Variants in PLAC8L1 observed in about 807,000 individuals in gnomAD.
The protein encoded by PLAC8L1 is PLAC8 like 1.
Under a neutral mutation model 16.3 loss-of-function variants are expected in PLAC8L1, and 13 were observed. That is an observed-to-expected ratio of 0.80 (90% CI 0.52 to 1.27). The LOEUF is 1.27. Among genes scored for constraint, PLAC8L1 ranks in the 50% most tolerant of loss-of-function variants. PLAC8L1 has a pLI of 0.00. For missense variants in PLAC8L1, 184 were observed against 220.2 expected, an observed-to-expected ratio of 0.84 and a Z score of 1.04; for synonymous variants, 78 against 79.3, an observed-to-expected ratio of 0.98 and a Z score of 0.09.
chr5:146,089,098 G>A (rs1050716555), intron 2 of PLAC8L1, among the ~76,000 whole-genome samples: 3 of 152,084 alleles, frequency 2.0e-5, no homozygotes, highest in African/African-American at 4.8e-5. Flanking sequence ...TTCTCAATAA[G>A]TATATTGTAC....
intron 1 of PLAC8L1, chr5:146,103,619 G>A: frequency 3.1e-6 from 3 of 968,598 alleles, no homozygotes; most frequent in Non-Finnish European, 3.7e-6. Flanking sequence ...CTCAGAAGGT[G>A]AGGGAGGCTT....
intron 2 of PLAC8L1, among the ~76,000 whole-genome samples, chr5:146,097,535 C>T (rs747010863): frequency 5.9e-5 from 9 of 152,192 alleles, no homozygotes; most frequent in South Asian, 4.1e-4. Flanking sequence ...TCCAAAAACA[C>T]GGTATCTACT....
rs1262188322 is a variant in PLAC8L1 at position 146,104,799 on chromosome 5, A to G, written c.-488T>C. 2 of 155,982 alleles carry G rather than the reference A, an allele frequency of 1.3e-5. No homozygotes were observed. Among genetic ancestry groups the G allele is most frequent in the Non-Finnish European group, 2.8e-5 (2 of 70,954 alleles). The allele number at this position is 155,982 out of a possible 1,614,324, so 9.7% of individuals were successfully genotyped here. A position where few individuals can be genotyped will look rare whatever the true frequency, so the allele number is the denominator to read the frequency against. ...AAGCAGGAGCAAAAAAAAGTCTTTCAGCGCAGGTATTGTATTTGAATCCAT... is the reference window on the plus strand; with the variant it reads ...AAGCAGGAGCAAAAAAAAGTCTTTCGGCGCAGGTATTGTATTTGAATCCAT... On this transcript the variant is annotated 5_prime_UTR_variant, in exon 1 of 4. An upstream open reading frame in the 5' UTR loses its in-frame stop. Transcript: ENST00000311450.
At chr5:146,098,076 C>CCTG in intron 2 of PLAC8L1, 80 bp downstream of exon 2, 1 of 1,439,930 alleles carries the variant, frequency 6.9e-7, no homozygotes, top group Non-Finnish European at 9.5e-7. Flanking sequence ...TGTCCTTGTG[C>CCTG]CTGCTGTAGG....
At chr5:146,098,017 T>C (rs2150036958) in intron 2 of PLAC8L1, 139 bp downstream of exon 2, 1 of 1,014,050 alleles carries the variant, frequency 9.9e-7, no homozygotes, top group Non-Finnish European at 1.4e-6. Context: ...AAGGAGTACA[T>C]TTGAGTCACT....
intron 2 of PLAC8L1, among the ~76,000 whole-genome samples, chr5:146,094,892 CAGG>C: frequency 6.6e-6 from 1 of 152,158 alleles, no homozygotes; most frequent in Non-Finnish European, 1.5e-5. Context: ...AAAAATGTCC[CAGG>C]ATGGGAATCT....
intron 2 of PLAC8L1, among the ~76,000 whole-genome samples, chr5:146,092,371 G>A (rs1763634073): frequency 6.6e-6 from 1 of 152,030 alleles, no homozygotes; most frequent in African/African-American, 2.4e-5. Context: ...CTCTTTAGTG[G>A]TTATCCAACA....
At chr5:146,092,535 A>ATTTTTTT (rs35101919) in intron 2 of PLAC8L1, among the ~76,000 whole-genome samples, 4 of 100,384 alleles carry the variant, frequency 4.0e-5, no homozygotes, top group Non-Finnish European at 3.8e-5. Flanking sequence ...ATCTTTGCAG[A>ATTTTTTT]TTTTTTTTTT....
chr5:146,101,256 C>T (rs1052876346), intron 1 of PLAC8L1, among the ~76,000 whole-genome samples: 4 of 149,324 alleles, frequency 2.7e-5, no homozygotes, highest in African/African-American at 7.4e-5. Context: ...TGTCTCTCTA[C>T]ATGCACGTAC....
chr5:146,098,349 C>T, intron 1 of PLAC8L1, 57 bp from the exon 2 acceptor site: 2 of 1,570,292 alleles, frequency 1.3e-6, no homozygotes, highest in Non-Finnish European at 1.7e-6. Context: ...GAACAATAAC[C>T]ATTAAGCCAA....
At chr5:146,101,599 T>C (rs992819782) in intron 1 of PLAC8L1, among the ~76,000 whole-genome samples, 5 of 152,236 alleles carry the variant, frequency 3.3e-5, no homozygotes, top group Non-Finnish European at 7.3e-5. Flanking sequence ...GCATGATAAG[T>C]ATTTCTTGGG....
chr5:146,094,686 C>T (rs1763681755), intron 2 of PLAC8L1, among the ~76,000 whole-genome samples: 1 of 152,214 alleles, frequency 6.6e-6, no homozygotes, highest in Admixed American at 6.5e-5. Context: ...GACACAGAGA[C>T]ACCCATTTGC....
At position 146,101,441 on chromosome 5, in the gene PLAC8L1, C is replaced by T. The variant is rs114162068; in HGVS notation, c.119+2752G>A. 8.0e-3 allele frequency among the ~76,000 whole-genome samples: 1,215 copies of T among 152,280 alleles called. 15 individuals carry two copies. Among genetic ancestry groups the T allele is most frequent in the African/African-American group, 0.028 (1,153 of 41,550 alleles). The stretch of plus-strand genomic sequence containing the variant: ...CTACGGCAACCGAAACAGATTAAGA[C>T]ATCTTTGCTGATTTGAAATTGGCCC... On this transcript the variant is annotated intron_variant, in intron 1 of 3. Coordinates refer to ENST00000311450, the MANE Select transcript of PLAC8L1 (RefSeq NM_001029869.3).
At position 146,084,584 on chromosome 5, in the gene PLAC8L1, C is replaced by T. The variant is rs200164557; in HGVS notation, c.394-12G>A. ...TCACACAGTGTGCCCTAGGGCAAGA[C>T]CAGAATCTGTTCTGTTGTAGTCACA... is the stretch of plus-strand genomic sequence containing the variant. On this transcript the variant is annotated splice_polypyrimidine_tract_variant and intron_variant, in intron 3 of 3. Transcript: ENST00000311450. The T allele has an allele frequency of 4.3e-6, 7 of 1,613,010 alleles. No individual in the cohort carries two copies. In the South Asian group the frequency reaches 6.6e-5, roughly 15 times the overall value.
chr5:146,084,626 C>T, intron 3 of PLAC8L1, 54 bp from the exon 4 acceptor site: 2 of 1,601,490 alleles, frequency 1.2e-6, no homozygotes, highest in Non-Finnish European at 1.7e-6. Context: ...CATTTTTCTT[C>T]CCCAGGGTCC....
At chr5:146,096,594 G>A (rs952971067) in intron 2 of PLAC8L1, among the ~76,000 whole-genome samples, 7 of 152,134 alleles carry the variant, frequency 4.6e-5, no homozygotes, top group African/African-American at 1.2e-4. Context: ...TAGGATTCAC[G>A]GTGTATATGT....
chr5:146,087,541 C>T (rs1763537227), intron 2 of PLAC8L1, among the ~76,000 whole-genome samples: 1 of 152,120 alleles, frequency 6.6e-6, no homozygotes, highest in East Asian at 1.9e-4. Flanking sequence ...GATTTTGAGA[C>T]AGGGTGTCGC....
rs1243858073 is a variant in PLAC8L1 at position 146,085,490 on chromosome 5, T to C, written c.364A>G (p.Ile122Val). ...ATTTTATGTCTCTCCCTGGTGCCAA[T>C]TCTCAGTGCAAAGGTGGACCCAGGT... ...LLPGSTFALRIGTRERHKIQG... is the reference protein window; with the variant it reads ...LLPGSTFALRVGTRERHKIQG... Residue 122 changes from isoleucine (I) to valine (V), a missense_variant, in exon 3 of 4, where the codon ATT (isoleucine) becomes GTT (valine). By Grantham distance (29) the Ile-to-Val change is conservative. Coordinates refer to ENST00000311450, the MANE Select transcript of PLAC8L1 (RefSeq NM_001029869.3). 6.2e-7 allele frequency: 1 copy of C among 1,613,984 alleles called. No homozygotes were observed. The highest frequency in any genetic ancestry group is 1.3e-5 in the African/African-American group (1 of 74,882).
Position 146,104,306 on chromosome 5 carries a change from A to G in PLAC8L1, c.6T>C (p.Asn2=). 1 of 1,602,698 alleles carries G rather than the reference A, an allele frequency of 6.2e-7. No individual in the cohort carries two copies. The highest frequency in any genetic ancestry group is 8.5e-7 in the Non-Finnish European group (1 of 1,169,672). ...ACCTGAAGAAGTTACTTCCAAACCA[A>G]TTCATAGTGAGAAGTGTTTTCTTGT... M[N]WFGSNFFRCP... The change falls in exon 1 of 4, where the codon AAT becomes AAC. Residue 2 remains asparagine, a synonymous_variant. Transcript: ENST00000311450.
Sources: gnomAD v4.1 joint callset for allele counts (sites outside exome capture counted in the v4.1 genomes callset) on GRCh38, gnomAD v4.1.1 for gene constraint, MANE v1.5 for transcripts, NCBI Gene and HGNC (gene_info 2026-07-23, HGNC 2026-07-21) for gene names.